Variants in METTL21A observed in about 807,000 individuals in gnomAD.
METTL21A encodes the protein methyltransferase 21A, HSPA lysine.
METTL21A carries 22 observed loss-of-function variants against 20.9 expected under a neutral mutation model. The observed-to-expected ratio is 1.05, with a 90% confidence interval of 0.75 to 1.50. The LOEUF (loss-of-function observed/expected upper bound fraction) is 1.50, where lower values mean the gene tolerates loss of function less well. Among genes scored for constraint, METTL21A ranks in the 40% most tolerant of loss-of-function variants. The probability of loss-of-function intolerance (pLI) is 0.00; values close to 1 mark genes in which losing one functional copy is unlikely to be tolerated. For synonymous variants in METTL21A, 93 were observed against 102.0 expected, an observed-to-expected ratio of 0.91 and a Z score of 0.53; for missense variants, 271 against 266.8, an observed-to-expected ratio of 1.02 and a Z score of -0.11.
At position 207,584,124 on chromosome 2, in the gene METTL21A, C is replaced by T. The variant is rs140193229; in HGVS notation, c.260-1964G>A. On this transcript the variant is annotated intron_variant, in intron 3 of 3. Transcript: ENST00000425132. ...TAGAGAAATAAAGTTACTATCAACA[C>T]ATAAAGGTTTTTATATGAACTTTCC... 3.8e-4 allele frequency among the ~76,000 whole-genome samples: 58 copies of T among 152,312 alleles called. No individual in the cohort carries two copies. The East Asian group carries it at 0.011, about 29-fold the overall frequency.
intron 3 of METTL21A, among the ~76,000 whole-genome samples, chr2:207,620,293 A>C (rs1415225823): frequency 6.6e-6 from 1 of 152,098 alleles, no homozygotes; most frequent in Non-Finnish European, 1.5e-5. Context: ...AAAATAAAAA[A>C]TTAGCTGGGC....
chr2:207,587,392 C>CAA (rs765065014), intron 3 of METTL21A, among the ~76,000 whole-genome samples: 1 of 82,732 alleles, frequency 1.2e-5, no homozygotes, highest in Admixed American at 1.4e-4. Flanking sequence ...GACTCCATCT[C>CAA]AAAAAAAAAA....
chr2:207,594,052 T>C (rs1258592214), intron 3 of METTL21A, among the ~76,000 whole-genome samples: 1 of 152,166 alleles, frequency 6.6e-6, no homozygotes, highest in Non-Finnish European at 1.5e-5. Context: ...GTAGAAAATA[T>C]TACCATGTCC....
chr2:207,602,330 C>G (rs1449175425), intron 3 of METTL21A: 1 of 198,922 alleles, frequency 5.0e-6, no homozygotes, highest in Admixed American at 6.0e-5. Context: ...AAATACTGAC[C>G]TGTCTGCATT....
downstream of METTL21A, chr2:207,581,637 G>A (rs1177863758): frequency 1.2e-5 from 5 of 413,098 alleles, no homozygotes; most frequent in Non-Finnish European, 2.1e-5. Flanking sequence ...AACTTACAAA[G>A]GAGTTTTAAA....
At chr2:207,603,358 TG>T in intron 3 of METTL21A, 1 of 224,620 alleles carries the variant, frequency 4.5e-6, no homozygotes, top group Non-Finnish European at 8.9e-6. Flanking sequence ...GTAATCTTTG[TG>T]GTATCAACTG....
intron 3 of METTL21A, chr2:207,597,051 C>G (rs749035114): frequency 6.3e-7 from 1 of 1,596,232 alleles, no homozygotes; most frequent in Non-Finnish European, 8.5e-7. Context: ...TGCCACAAAT[C>G]AGATTAATTT....
intron 3 of METTL21A, chr2:207,620,523 C>T: frequency 5.9e-6 from 3 of 509,030 alleles, no homozygotes; most frequent in Non-Finnish European, 9.4e-6. Flanking sequence ...TTTTGAGTCC[C>T]AGATCTCCAG....
At chr2:207,616,191 A>G (rs147865177) in intron 3 of METTL21A, among the ~76,000 whole-genome samples, 3 of 152,210 alleles carry the variant, frequency 2.0e-5, no homozygotes, top group African/African-American at 7.2e-5. Context: ...TTTAAAAAAA[A>G]AAAAATGCAG....
chr2:207,600,061 G>A (rs1006478317), intron 3 of METTL21A: 4 of 187,232 alleles, frequency 2.1e-5, no homozygotes, highest in Admixed American at 1.9e-4. Context: ...TAACTGAAAA[G>A]TGGCTTAGAA....
downstream of METTL21A, among the ~76,000 whole-genome samples, chr2:207,606,978 A>G (rs2088208083): frequency 6.6e-6 from 1 of 152,162 alleles, no homozygotes; most frequent in African/African-American, 2.4e-5. Context: ...ACCTTCGGCA[A>G]GGAGAAATAA....
intron 3 of METTL21A, chr2:207,601,980 GGA>G (rs1559095314): frequency 9.6e-6 from 2 of 208,040 alleles, no homozygotes; most frequent in Admixed American, 5.9e-5. Context: ...TCAATGGCTA[GGA>G]GAGGCATTAA....
At chr2:207,614,344 G>A (rs1162455048) in intron 3 of METTL21A, among the ~76,000 whole-genome samples, 1 of 150,890 alleles carries the variant, frequency 6.6e-6, no homozygotes, top group Non-Finnish European at 1.5e-5. Context: ...GCAGTGAACT[G>A]TTATTGTGCC....
At chr2:207,586,019 A>T (rs2083761672) in intron 3 of METTL21A, among the ~76,000 whole-genome samples, 1 of 152,190 alleles carries the variant, frequency 6.6e-6, no homozygotes, top group Non-Finnish European at 1.5e-5. Context: ...CAGGAAGGTC[A>T]TATGTACTAA....
At chr2:207,620,414 G>A (rs1026606815) in intron 3 of METTL21A, among the ~76,000 whole-genome samples, 1 of 151,852 alleles carries the variant, frequency 6.6e-6, no homozygotes, top group African/African-American at 2.4e-5. Flanking sequence ...CTGCACTCCA[G>A]CCTGGGCAAC....
intron 3 of METTL21A, chr2:207,601,685 G>C: frequency 4.7e-6 from 1 of 213,742 alleles, no homozygotes; most frequent in Non-Finnish European, 9.4e-6. Flanking sequence ...GAGACCACAT[G>C]TAATATACTG....
At chr2:207,582,750 C>T (rs924371385) in intron 3 of METTL21A, 9 of 189,300 alleles carry the variant, frequency 4.8e-5, no homozygotes, top group African/African-American at 1.4e-4. Flanking sequence ...AAAATTTAGC[C>T]GGGGTGGTGG....
chr2:207,596,901 C>A, intron 3 of METTL21A: 8 of 1,596,672 alleles, frequency 5.0e-6, no homozygotes, highest in Non-Finnish European at 6.8e-6. Flanking sequence ...TTCCCGTCCT[C>A]TTTTGCTTGT....
At chr2:207,612,120 A>G (rs1437028172), downstream of METTL21A, 1 of 79,920 alleles carries the variant, frequency 1.3e-5, no homozygotes, top group Admixed American at 2.1e-4. Context: ...TTTTTTTGAG[A>G]TGGAGTCTCG....
Sources: allele counts gnomAD v4.1 joint callset (sites outside exome capture counted in the v4.1 genomes callset), GRCh38; gene constraint gnomAD v4.1.1; transcripts MANE v1.5; gene names NCBI Gene and HGNC (gene_info 2026-07-23, HGNC 2026-07-21).